ZNF185: variants seen among roughly 807,000 people sequenced by gnomAD.
The protein encoded by ZNF185 is zinc finger protein 185 with LIM domain.
ZNF185 carries 56 observed loss-of-function variants against 58.6 expected under a neutral mutation model. The observed-to-expected ratio is 0.95, with a 90% CI of 0.77 to 1.19. The LOEUF is 1.19. Among genes scored for constraint, ZNF185 ranks in the 50% most tolerant of loss-of-function variants. The pLI is 0.00. For missense variants in ZNF185, 627 were observed against 573.5 expected, an observed-to-expected ratio of 1.09 and a Z score of -0.95; for synonymous variants, 230 against 215.9, an observed-to-expected ratio of 1.07 and a Z score of -0.57.
intron 20 of ZNF185, among the ~76,000 whole-genome samples, chrX:152,968,530 A>G (rs888754093): frequency 6.2e-5 from 7 of 112,797 alleles, no homozygotes; most frequent in African/African-American, 2.3e-4. Flanking sequence ...CAGGAGGAGC[A>G]GGGCTGCGCT....
exon 4 of ZNF185, chrX:152,917,159 T>C: frequency 8.3e-7 from 1 of 1,211,505 alleles, no homozygotes; most frequent in Non-Finnish European, 1.1e-6. Context: ...TCCCACTGGC[T>C]ACATCATCCG....
intron 15 of ZNF185, chrX:152,941,792 C>T: frequency 8.6e-7 from 1 of 1,163,876 alleles, no homozygotes; most frequent in African/African-American, 1.8e-5. Flanking sequence ...GCCCGAGGAT[C>T]ACGAATGGGC....
intron 16 of ZNF185, among the ~76,000 whole-genome samples, chrX:152,952,878 G>T (rs1227847168): frequency 9.5e-6 from 1 of 105,681 alleles, no homozygotes; most frequent in Non-Finnish European, 1.9e-5. Context: ...GACAGAATGA[G>T]TGCCATAGGG....
At chrX:152,939,705 G>T (rs932826365) in intron 15 of ZNF185, among the ~76,000 whole-genome samples, 2 of 108,316 alleles carry the variant, frequency 1.8e-5, no homozygotes. Context: ...ACAGAGCCCA[G>T]ATCCAGCCAA....
At chrX:152,923,808 T>C (rs782472717) in intron 11 of ZNF185, among the ~76,000 whole-genome samples, 4 of 112,050 alleles carry the variant, frequency 3.6e-5, no homozygotes, top group African/African-American at 1.3e-4. Flanking sequence ...TACCTCCTAC[T>C]GTGCAGCCTG....
exon 14 of ZNF185, chrX:152,932,894 T>C (rs1216555937): frequency 4.2e-6 from 5 of 1,202,834 alleles, no homozygotes; most frequent in African/African-American, 3.5e-5. Context: ...AGTTGAGTGA[T>C]GGCAATGTGG....
At chrX:152,963,309 G>A (rs2049742751) in intron 17 of ZNF185, among the ~76,000 whole-genome samples, 2 of 112,866 alleles carry the variant, frequency 1.8e-5, no homozygotes, top group African/African-American at 3.2e-5. Flanking sequence ...GAAAAACTTC[G>A]ACACCGGTCA....
rs1556868044 is a variant in ZNF185, at chrX:152,919,035, G to T, written c.484G>T (p.Glu162Ter). The stretch of plus-strand genomic sequence containing the variant: ...TACATCAGGGGACACCGAGGAGGAG[G>T]AGGAGGAGGAGGTGGTGCCATTCTC... Residue 162 changes from glutamate (E) to a stop codon, truncating the protein, a stop_gained, in exon 7 of 23, where the codon GAG becomes TAG. Transcript: ENST00000449285. LOFTEE classifies it high-confidence loss of function. The T allele has an allele frequency of 2.5e-6, 3 of 1,210,589 alleles. No homozygotes were observed. The highest frequency in any genetic ancestry group is 3.4e-6 in the Non-Finnish European group (3 of 894,959).
exon 14 of ZNF185, chrX:152,932,899 A>G: frequency 1.7e-6 from 2 of 1,205,049 alleles, no homozygotes; most frequent in Non-Finnish European, 2.2e-6. Flanking sequence ...AGTGATGGCA[A>G]TGTGGGATCC....
chrX:152,940,767 A>T (rs940649389), intron 15 of ZNF185, among the ~76,000 whole-genome samples: 2 of 112,317 alleles, frequency 1.8e-5, no homozygotes, highest in Admixed American at 1.9e-4. Flanking sequence ...TATGTCAAAA[A>T]ATATATTTTG....
chrX:152,961,331 C>G (rs782807608), intron 17 of ZNF185, among the ~76,000 whole-genome samples: 1 of 112,241 alleles, frequency 8.9e-6, no homozygotes, highest in South Asian at 3.7e-4. Flanking sequence ...TGACCTCTTG[C>G]ATTCCTCAGC....
chrX:152,963,389 C>T (rs1556911820), intron 17 of ZNF185, among the ~76,000 whole-genome samples: 1 of 112,720 alleles, frequency 8.9e-6, no homozygotes, highest in Non-Finnish European at 1.9e-5. Context: ...TTCATTTGGT[C>T]CTCTGCCCCT....
upstream of ZNF185, among the ~76,000 whole-genome samples, chrX:152,913,333 A>T (rs1286921211): frequency 2.7e-5 from 3 of 112,210 alleles, no homozygotes; most frequent in African/African-American, 9.7e-5. Context: ...GGCTCCCTGC[A>T]GCTCTGGGTC....
intron 15 of ZNF185, among the ~76,000 whole-genome samples, chrX:152,939,220 C>T (rs1274619730): frequency 3.7e-5 from 4 of 109,419 alleles, no homozygotes; most frequent in Non-Finnish European, 7.6e-5. Flanking sequence ...ATGCTGGGGG[C>T]TGGGGTGGGC....
Position 152,914,589 on chromosome X carries a change from A to G in ZNF185, c.34+66A>G, listed in dbSNP as rs781982209. On this transcript the variant is annotated intron_variant, in intron 1 of 22. Transcript: ENST00000449285. ...GCTGTTTGCTTCCAAGCCTGCCCCT[A>G]CAGGCCACAAGCACTGTCCCAGCAG... 23 of 1,148,929 alleles carry G rather than the reference A, an allele frequency of 2.0e-5. No homozygotes were observed. The South Asian group carries it at 3.0e-4, about 15-fold the overall frequency. 94.7% of individuals were successfully genotyped at this position (1,148,929 alleles called of 1,213,427 possible).
At chrX:152,906,253 G>A in the ZNF185 span, among the ~76,000 whole-genome samples, 2 of 112,546 alleles carry the variant, frequency 1.8e-5, no homozygotes, top group African/African-American at 6.5e-5. Context: ...AAGTTCTTGG[G>A]AGACAAGGGA....
At chrX:152,943,073 C>T (rs1201884517) in intron 15 of ZNF185, among the ~76,000 whole-genome samples, 2 of 111,348 alleles carry the variant, frequency 1.8e-5, no homozygotes, top group Admixed American at 1.9e-4. Context: ...GGGGTGATCT[C>T]GGCTTACTGC....
intron 18 of ZNF185, among the ~76,000 whole-genome samples, chrX:152,964,284 C>G (rs1040857600): frequency 3.5e-5 from 4 of 112,874 alleles, no homozygotes; most frequent in Non-Finnish European, 7.5e-5. Flanking sequence ...GAGGGCATTC[C>G]TGTGTTACTG....
chrX:152,958,834 C>G (rs2049132828), intron 16 of ZNF185, among the ~76,000 whole-genome samples: 1 of 112,112 alleles, frequency 8.9e-6, no homozygotes, highest in Non-Finnish European at 1.9e-5. Context: ...CATGTGAAAA[C>G]TACGCGGTCA....
Sources: gnomAD v4.1 joint callset for allele counts (sites outside exome capture counted in the v4.1 genomes callset) on GRCh38, gnomAD v4.1.1 for gene constraint, MANE v1.5 for transcripts, NCBI Gene and HGNC (gene_info 2026-07-23, HGNC 2026-07-21) for gene names.